The following FLT4 variants were observed in gnomAD, a reference collection of about 807,000 sequenced individuals.
FLT4 encodes the protein fms related receptor tyrosine kinase 4.
A neutral mutation model predicts 163.2 loss-of-function variants in FLT4; 30 were observed. The ratio of observed to expected loss-of-function variants is 0.18; its 90% confidence interval spans 0.14 to 0.25. FLT4 has a LOEUF of 0.25. FLT4 is among the 10% of genes least tolerant of loss of function. FLT4 has a pLI of 1.00. For missense variants in FLT4, 1,510 were observed against 1,863.8 expected (o/e 0.81, Z 3.50); for synonymous variants, 884 against 789.5 (o/e 1.12, Z -2.01).
intron 29 of FLT4, among the ~76,000 whole-genome samples, chr5:180,606,270 A>G (rs1345691712): frequency 2.6e-5 from 4 of 152,216 alleles, no homozygotes; most frequent in Non-Finnish European, 4.4e-5. Flanking sequence ...ACCACCAAGC[A>G]TCCAAGGGGC....
chr5:180,624,507 C>T (rs1279559199), intron 10 of FLT4, among the ~76,000 whole-genome samples: 5 of 152,164 alleles, frequency 3.3e-5, no homozygotes, highest in African/African-American at 9.6e-5. Flanking sequence ...GGATTACAGG[C>T]GTGAGCCACC....
At chr5:180,605,885 A>G (rs6879285) in intron 29 of FLT4, among the ~76,000 whole-genome samples, 58,529 of 152,066 alleles carry the variant, frequency 0.38, 11,959 homozygotes, top group East Asian at 0.58. Flanking sequence ...TGGGTACTGA[A>G]GGGGCTGGAT....
Position 180,643,908 on chromosome 5 carries a change from G to A in FLT4, c.58+5580C>T, listed in dbSNP as rs1267425651. Among the ~76,000 whole-genome samples, 6 of 151,214 alleles carry A rather than the reference G, an allele frequency of 4.0e-5. No individual in the cohort carries two copies. In the East Asian group the frequency reaches 7.8e-4, roughly 20 times the overall value. On this transcript the variant is annotated intron_variant, in intron 1 of 29. Transcript: ENST00000261937. ...ACGGTCTCGGCTCACCGTAACCTCC[G>A]CCTCCCAGTTTCAAACAGTTCTCCT...
At chr5:180,634,190 C>T (rs370200852) in intron 1 of FLT4, among the ~76,000 whole-genome samples, 3 of 152,228 alleles carry the variant, frequency 2.0e-5, no homozygotes, top group East Asian at 1.9e-4. Context: ...GGACATCCCT[C>T]CTTCCTTCTT....
At chr5:180,637,046 G>A (rs1044516396) in intron 1 of FLT4, among the ~76,000 whole-genome samples, 3 of 152,068 alleles carry the variant, frequency 2.0e-5, no homozygotes, top group East Asian at 3.9e-4. Context: ...TCGACAGGGC[G>A]AAATCATGAG....
intron 10 of FLT4, 111 bp from the exon 11 acceptor site, chr5:180,624,172 G>T: frequency 1.5e-6 from 2 of 1,323,668 alleles, no homozygotes; most frequent in Non-Finnish European, 2.1e-6. Context: ...ATATGGGGTC[G>T]TGGGCGAGGC....
intron 1 of FLT4, among the ~76,000 whole-genome samples, chr5:180,641,737 T>A (rs540731833): frequency 1.3e-5 from 2 of 152,270 alleles, no homozygotes; most frequent in African/African-American, 4.8e-5. Context: ...TCACTGCACA[T>A]CCTGCAGGTC....
intron 1 of FLT4, among the ~76,000 whole-genome samples, chr5:180,648,132 C>T (rs141859869): frequency 6.6e-6 from 1 of 152,332 alleles, no homozygotes; most frequent in African/African-American, 2.4e-5. Flanking sequence ...CCAAGGTCTA[C>T]CAGCCACTCG....
chr5:180,621,878 A>G lies in FLT4; in HGVS notation c.1684T>C (p.Ser562Pro). The G allele has an allele frequency of 6.2e-7, 1 of 1,613,440 alleles. No homozygotes were observed. Among genetic ancestry groups the G allele is most frequent in the Admixed American group, 1.7e-5 (1 of 60,002 alleles). Residue 562 changes from serine (S) to proline (P), a missense_variant, in exon 13 of 30, where the codon TCC (serine) becomes CCC (proline). Physicochemically the swap from Ser to Pro is moderately conservative, Grantham distance 74. This residue lies in a region of FLT4 where 878 missense variants were observed against 1,016.7 expected (regional missense o/e 0.86). Coordinates refer to ENST00000261937, the MANE Select transcript of FLT4 (RefSeq NM_182925.5). ...TTIPDGFTIE[S>P]KPSEELLEGQ... ...TCTAGTAGCTCCTCGGATGGCTTGG[A>G]TTCGATGGTGAAGCCGTCGGGGATG...
At chr5:180,638,296 C>T (rs141240646) in intron 1 of FLT4, among the ~76,000 whole-genome samples, 97 of 152,318 alleles carry the variant, frequency 6.4e-4, no homozygotes, top group Non-Finnish European at 8.2e-4. Flanking sequence ...ACGTGCACCC[C>T]CTCCAGCCCC....
At position 180,621,621 on chromosome 5, in the gene FLT4, G is replaced by A. The variant is rs779623335; in HGVS notation, c.1941C>T (p.His647=). ...SLSIPRVAPE[H]EGHYVCEVQD... ...GCACTTCGCACACATAGTGGCCCTCGTGCTCGGGCGCGACGCGGGGGATAC... is the reference window on the plus strand; with the variant it reads ...GCACTTCGCACACATAGTGGCCCTCATGCTCGGGCGCGACGCGGGGGATAC... Residue 647 remains histidine, a synonymous_variant, in exon 13 of 30, where the codon CAC becomes CAT. Transcript: ENST00000261937. 7.5e-6 allele frequency: 12 copies of A among 1,606,478 alleles called. No homozygotes were observed. The highest frequency in any genetic ancestry group is 1.7e-4 in the Middle Eastern group (1 of 6,060).
intron 23 of FLT4, 92 bp downstream of exon 23, chr5:180,616,275 G>A: frequency 1.9e-6 from 3 of 1,563,882 alleles, no homozygotes; most frequent in Non-Finnish European, 2.6e-6. Context: ...CTCACCCTGT[G>A]CCAGCCCTCC....
rs559079273 is a variant in FLT4 at position 180,602,118 on chromosome 5, T to G, written c.*1074A>C. 2.0e-4 allele frequency: 47 copies of G among 233,758 alleles called. No individual in the cohort carries two copies. The highest frequency in any genetic ancestry group is 3.5e-4 in the Non-Finnish European group (41 of 118,444). The allele number at this position is 233,758 out of a possible 1,614,324, so 14.5% of individuals were successfully genotyped here. Reference sequence around the variant, plus strand: ...TGTCAGGCACAGGGCAGGAAAAGGCTGAAGGCAGGTCCCCAGAATGTCCAC... The same window carrying G: ...TGTCAGGCACAGGGCAGGAAAAGGCGGAAGGCAGGTCCCCAGAATGTCCAC... On this transcript the variant is annotated 3_prime_UTR_variant, in exon 30 of 30. Transcript: ENST00000261937.
rs773414720 is a variant in FLT4 at position 180,619,248 on chromosome 5, C to G, written c.2761+5G>C. 1.2e-5 allele frequency: 20 copies of G among 1,606,248 alleles called. No homozygotes were observed. Among genetic ancestry groups the G allele is most frequent in the Non-Finnish European group, 1.6e-5 (19 of 1,176,870 alleles). On this transcript the variant is annotated splice_donor_5th_base_variant and intron_variant, in intron 19 of 29. Transcript: ENST00000261937. ...CGCCGTCCCAGCGGGCCGCCCGCTC[C>G]GTACCCTGCGGCTTGGTGCACGCCC...
In FLT4 at chr5:180,630,355, G is replaced by A. The variant is rs2127837772; in HGVS notation, c.401-18C>T. On this transcript the variant is annotated intron_variant, in intron 3 of 29. Transcript: ENST00000261937. This position sits in a 1 kb window ranked among gnomAD's most constrained non-coding sequence, Gnocchi z 6.3. ...CTCAAAGTCTATGGAGAGGGAGCAA[G>A]CTGTTGGGGAAGGGACGTGGCGGCC... is the stretch of plus-strand genomic sequence containing the variant. 1 of 1,602,562 alleles carries A rather than the reference G, an allele frequency of 6.2e-7. No individual in the cohort carries two copies. The highest frequency in any genetic ancestry group is 8.5e-7 in the Non-Finnish European group (1 of 1,176,402).
chr5:180,648,107 A>G (rs1191814019), intron 1 of FLT4, among the ~76,000 whole-genome samples: 1 of 152,124 alleles, frequency 6.6e-6, no homozygotes, highest in East Asian at 1.9e-4. Flanking sequence ...CCCATTCTAC[A>G]GCCCTGCAGT....
chr5:180,626,364 G>T, intron 8 of FLT4, 99 bp from the exon 9 acceptor site: 3 of 1,356,224 alleles, frequency 2.2e-6, no homozygotes, highest in Non-Finnish European at 3.1e-6. Flanking sequence ...GGAGGGAGGG[G>T]CTGGCAGGAG....
chr5:180,622,332 G>A (rs1437702569), intron 12 of FLT4, among the ~76,000 whole-genome samples: 1 of 150,010 alleles, frequency 6.7e-6, no homozygotes, highest in African/African-American at 2.5e-5. Context: ...ACCCAGTGAC[G>A]TCTGCTCCTG....
chr5:180,642,612 C>T (rs961833128), intron 1 of FLT4, among the ~76,000 whole-genome samples: 4 of 152,198 alleles, frequency 2.6e-5, no homozygotes, highest in Non-Finnish European at 5.9e-5. Context: ...TGTGCTCTCA[C>T]CCTCCCTGAC....
Sources: allele counts gnomAD v4.1 joint callset (sites outside exome capture counted in the v4.1 genomes callset), GRCh38; gene constraint gnomAD v4.1.1; regional missense constraint gnomAD v4.1.1; non-coding constraint Gnocchi (gnomAD v3.1); transcripts MANE v1.5; gene names NCBI Gene and HGNC (gene_info 2026-07-23, HGNC 2026-07-21).